The following NAPG variants were observed in gnomAD, a reference collection of about 807,000 sequenced individuals.
NAPG encodes the protein gamma-soluble NSF attachment protein.
NAPG carries 25 observed loss-of-function variants against 48.4 expected under a neutral mutation model. That is an observed-to-expected ratio of 0.52 (90% CI 0.38 to 0.72). The LOEUF (loss-of-function observed/expected upper bound fraction) is 0.72, where lower values mean the gene tolerates loss of function less well. NAPG is among the 30% of genes least tolerant of loss of function. NAPG has a pLI of 0.00. For synonymous variants in NAPG, 139 were observed against 127.2 expected, an observed-to-expected ratio of 1.09 and a Z score of -0.62; for missense variants, 359 against 372.5, an observed-to-expected ratio of 0.96 and a Z score of 0.30.
At chr18:10,533,126 A>C in intron 3 of NAPG, 1 of 271,564 alleles carries the variant, frequency 3.7e-6, no homozygotes, top group Non-Finnish European at 6.8e-6. Context: ...CACGTGAACT[A>C]CTGTATCAAT....
At position 10,539,082 on chromosome 18, in the gene NAPG, G is replaced by A. The variant is rs1309442244; in HGVS notation, c.259-680G>A. 2.0e-5 allele frequency: 3 copies of A among 152,206 alleles called. No individual in the cohort carries two copies. Among genetic ancestry groups the A allele is most frequent in the Non-Finnish European group, 4.4e-5 (3 of 68,046 alleles). The allele number at this position is 152,206 out of a possible 1,614,324, so 9.4% of individuals were successfully genotyped here. A position where few individuals can be genotyped will look rare whatever the true frequency, so the allele number is the denominator to read the frequency against. On this transcript the variant is annotated intron_variant, in intron 5 of 11. Coordinates refer to ENST00000322897, the MANE Select transcript of NAPG (RefSeq NM_003826.3). This position sits in a 1 kb window ranked among gnomAD's most constrained non-coding sequence, Gnocchi z 4.7. ...GTAAATTAGTTCAACCGTTGTGGAAGACAGTGTGGGGATTCCTCAAGGATC... is the reference window on the plus strand; with the variant it reads ...GTAAATTAGTTCAACCGTTGTGGAAAACAGTGTGGGGATTCCTCAAGGATC...
Position 10,536,830 on chromosome 18 carries a change from G to A in NAPG, c.258+2334G>A, listed in dbSNP as rs143325026. Among the ~76,000 whole-genome samples the A allele has an allele frequency of 3.3e-5, 5 of 152,098 alleles. 1 individual carries two copies. Among genetic ancestry groups the A allele is most frequent in the African/African-American group, 1.2e-4 (5 of 41,490 alleles). ...ATTCACATTATATATGTAATTAGTG[G>A]GTAGGTATATTTGGGGAGGAAATAC... On this transcript the variant is annotated intron_variant, in intron 5 of 11. Transcript: ENST00000322897.
rs1022042762 is a variant in NAPG, at chr18:10,546,077, G to C, written c.507-249G>C. Among the ~76,000 whole-genome samples the C allele has an allele frequency of 6.6e-6, 1 of 152,194 alleles. No individual in the cohort carries two copies. Among genetic ancestry groups the C allele is most frequent in the Non-Finnish European group, 1.5e-5 (1 of 68,038 alleles). On this transcript the variant is annotated intron_variant, in intron 8 of 11. Coordinates refer to ENST00000322897, the MANE Select transcript of NAPG (RefSeq NM_003826.3). This position sits in a 1 kb window ranked among gnomAD's most constrained non-coding sequence, Gnocchi z 4.0. ...GTCCTTACTAAGCTTAAAACTCCCC[G>C]TTTGACCTAACCCATCCTTGAGTTC... is the stretch of plus-strand genomic sequence containing the variant.
intron 8 of NAPG, among the ~76,000 whole-genome samples, chr18:10,541,972 T>G (rs16974782): frequency 0.087 from 13,273 of 152,294 alleles, 1,839 homozygotes; most frequent in African/African-American, 0.29. Context: ...CAGCTGCCTG[T>G]GCATATTCCT....
chr18:10,533,238 G>T, intron 3 of NAPG: 1 of 309,604 alleles, frequency 3.2e-6, no homozygotes, highest in Non-Finnish European at 5.8e-6. Context: ...AATAAAAAAT[G>T]TTTCTCTTAT....
chr18:10,527,976 AG>A (rs771476661), intron 1 of NAPG, among the ~76,000 whole-genome samples: 1 of 152,084 alleles, frequency 6.6e-6, no homozygotes, highest in Non-Finnish European at 1.5e-5. Flanking sequence ...ACTTGAGGTC[AG>A]GAGTTCGAGA....
chr18:10,526,047 C>A lies in NAPG; in HGVS notation c.-56C>A. The stretch of plus-strand genomic sequence containing the variant: ...CACGCCTATTTGGGCGGATTCTTGG[C>A]GCCGGAGGAAGAGGCAGGGTCACCC... On this transcript the variant is annotated 5_prime_UTR_variant, in exon 1 of 12. Coordinates refer to ENST00000322897, the MANE Select transcript of NAPG (RefSeq NM_003826.3). 6.5e-7 allele frequency: 1 copy of A among 1,545,762 alleles called. No individual in the cohort carries two copies. Among genetic ancestry groups the A allele is most frequent in the Non-Finnish European group, 8.9e-7 (1 of 1,119,754 alleles).
At chr18:10,530,647 T>A in intron 1 of NAPG, 123 bp from the exon 2 acceptor site, 1 of 573,716 alleles carries the variant, frequency 1.7e-6, no homozygotes, top group South Asian at 4.2e-5. Flanking sequence ...TGACACAGAG[T>A]TTGTGCCTGA....
intron 1 of NAPG, 88 bp downstream of exon 1, chr18:10,526,246 G>GTGGT: frequency 8.2e-6 from 4 of 490,186 alleles, no homozygotes; most frequent in Non-Finnish European, 8.3e-6. Context: ...GGGCGGGAGG[G>GTGGT]AGGGCTCAGG....
chr18:10,537,222 G>A (rs2032053722), intron 5 of NAPG, among the ~76,000 whole-genome samples: 2 of 152,136 alleles, frequency 1.3e-5, no homozygotes, highest in African/African-American at 2.4e-5. Context: ...ACCTCCCAAA[G>A]TGCTGGGATT....
At chr18:10,526,589 AC>A in intron 1 of NAPG, 1 of 179,326 alleles carries the variant, frequency 5.6e-6, no homozygotes, top group Non-Finnish European at 1.2e-5. Flanking sequence ...CATCTGGGGA[AC>A]AACATCGCTC....
At chr18:10,537,445 C>T (rs2032058467) in intron 5 of NAPG, among the ~76,000 whole-genome samples, 1 of 152,106 alleles carries the variant, frequency 6.6e-6, no homozygotes, top group Non-Finnish European at 1.5e-5. Flanking sequence ...GGCTCTTCAT[C>T]CTCATCATAG....
intron 1 of NAPG, among the ~76,000 whole-genome samples, chr18:10,527,504 C>G (rs1177040110): frequency 6.6e-6 from 1 of 152,080 alleles, no homozygotes; most frequent in Non-Finnish European, 1.5e-5. Flanking sequence ...CTAGTGGGAG[C>G]AAACGCAAAA....
intron 1 of NAPG, among the ~76,000 whole-genome samples, chr18:10,527,068 G>T (rs1412905190): frequency 6.6e-6 from 1 of 151,566 alleles, no homozygotes; most frequent in Non-Finnish European, 1.5e-5. Context: ...GGCGCCTGTA[G>T]TCCCAGCTAC....
intron 1 of NAPG, among the ~76,000 whole-genome samples, chr18:10,527,050 T>C (rs2031830217): frequency 6.6e-6 from 1 of 151,416 alleles, no homozygotes; most frequent in Admixed American, 6.6e-5. Flanking sequence ...TAGCCGGGCG[T>C]GGTGGCGGGC....
chr18:10,530,833 A>G lies in NAPG; in HGVS notation c.120A>G (p.Lys40=). The change falls in exon 2 of 12, where the codon AAA becomes AAG. Residue 40 remains lysine (K), a synonymous_variant. Transcript: ENST00000322897. ...DYDSAASEYG[K]AAVAFKNAKQ... is the part of the protein sequence containing the mutation. ...ACAGTGCCGCTTCTGAATATGGAAA[A>G]GCAGGTATTTTTGACTATAGTCCAG... 1 of 1,580,152 alleles carries G rather than the reference A, an allele frequency of 6.3e-7. No homozygotes were observed. Among genetic ancestry groups the G allele is most frequent in the Non-Finnish European group, 8.6e-7 (1 of 1,164,584 alleles).
rs1351578402 is a variant in NAPG, at chr18:10,542,907, G to C, written c.506+2508G>C. Among the ~76,000 whole-genome samples, 1 of 152,114 alleles carries C rather than the reference G, an allele frequency of 6.6e-6. No homozygotes were observed. The highest frequency in any genetic ancestry group is 1.9e-4 in the East Asian group (1 of 5,188). ...TTTTAGAAAAGGCCTTTCCAGGCTG[G>C]GTGCAGTGGCTCATGCCTGTAATCA... On this transcript the variant is annotated intron_variant, in intron 8 of 11. Coordinates refer to ENST00000322897, the MANE Select transcript of NAPG (RefSeq NM_003826.3). The surrounding 1 kb of genome is among the most constrained non-coding windows in gnomAD (Gnocchi z 4.5).
intron 1 of NAPG, among the ~76,000 whole-genome samples, chr18:10,527,749 C>T (rs1240010695): frequency 6.6e-6 from 1 of 152,152 alleles, no homozygotes; most frequent in African/African-American, 2.4e-5. Flanking sequence ...GCTCTGGGAA[C>T]AGTGAATGTA....
chr18:10,538,499 G>T (rs568796216), intron 5 of NAPG, among the ~76,000 whole-genome samples: 24 of 152,338 alleles, frequency 1.6e-4, no homozygotes, highest in Admixed American at 1.6e-3. Flanking sequence ...TCATTGGGCT[G>T]CCAGTTTGTG....
Sources: gnomAD v4.1 joint callset for allele counts (sites outside exome capture counted in the v4.1 genomes callset) on GRCh38, gnomAD v4.1.1 for gene constraint, Gnocchi (gnomAD v3.1) non-coding constraint, MANE v1.5 for transcripts, NCBI Gene and HGNC (gene_info 2026-07-23, HGNC 2026-07-21) for gene names.